The following ERBB4 variants were observed in gnomAD, a reference collection of about 807,000 sequenced individuals.
The protein encoded by ERBB4 is receptor tyrosine-protein kinase erbB-4.
Under a neutral mutation model 158.0 loss-of-function variants are expected in ERBB4, and 42 were observed. The observed-to-expected ratio is 0.27, with a 90% confidence interval of 0.21 to 0.34. The LOEUF (loss-of-function observed/expected upper bound fraction) is 0.34. ERBB4 is among the 10% of genes least tolerant of loss of function. The pLI is 1.00. For missense variants in ERBB4, 1,333 were observed against 1,624.1 expected (o/e 0.82, Z 3.08); for synonymous variants, 583 against 558.7 (o/e 1.04, Z -0.61).
chr2:211,976,558 A>G (rs193097984), intron 2 of ERBB4, among the ~76,000 whole-genome samples: 86 of 152,258 alleles, frequency 5.6e-4, no homozygotes, highest in East Asian at 5.6e-3. Context: ...TCACAGCTTC[A>G]CTGCTATGAA....
chr2:211,749,251 C>T (rs920045453), intron 5 of ERBB4, among the ~76,000 whole-genome samples: 2 of 152,120 alleles, frequency 1.3e-5, no homozygotes, highest in African/African-American at 4.8e-5. Flanking sequence ...CTGTTCTCTA[C>T]CCATTTCCAA....
intron 1 of ERBB4, among the ~76,000 whole-genome samples, chr2:212,383,134 G>C (rs1319061441): frequency 6.6e-6 from 1 of 151,052 alleles, no homozygotes; most frequent in Non-Finnish European, 1.5e-5. Context: ...TTTTTCTATA[G>C]TTTGATATTT....
chr2:212,494,982 A>G (rs1690480197), intron 1 of ERBB4, among the ~76,000 whole-genome samples: 1 of 152,156 alleles, frequency 6.6e-6, no homozygotes, highest in African/African-American at 2.4e-5. Flanking sequence ...TAAACCTTCA[A>G]CTCCAAAAAT....
intron 3 of ERBB4, among the ~76,000 whole-genome samples, chr2:211,873,497 G>T: frequency 6.6e-6 from 1 of 152,304 alleles, no homozygotes; most frequent in Non-Finnish European, 1.5e-5. Context: ...AGATTATGAA[G>T]ATTACCAAAA....
Position 211,426,273 on chromosome 2 carries a change from T to C in ERBB4, c.2720-1972A>G, listed in dbSNP as rs1017459724. ...ATGTCAGGAAAGCTAAAACAAAACA[T>C]CCTCGAATTTTACTTGCAATTCCTT... On this transcript the variant is annotated intron_variant, in intron 22 of 27. Coordinates refer to ENST00000342788, the MANE Select transcript of ERBB4 (RefSeq NM_005235.3). 2.6e-5 allele frequency among the ~76,000 whole-genome samples: 4 copies of C among 152,236 alleles called. No individual in the cohort carries two copies. In the East Asian group the frequency reaches 7.7e-4, roughly 29 times the overall value.
chr2:211,557,523 T>C (rs1420271862), intron 20 of ERBB4, among the ~76,000 whole-genome samples: 4 of 152,080 alleles, frequency 2.6e-5, no homozygotes, highest in Non-Finnish European at 5.9e-5. Context: ...AAGCTCAACA[T>C]CACTGATCAT....
chr2:212,182,148 T>C (rs1013232529), intron 1 of ERBB4, among the ~76,000 whole-genome samples: 5 of 151,868 alleles, frequency 3.3e-5, no homozygotes, highest in South Asian at 4.1e-4. Flanking sequence ...AGGAATGTTC[T>C]AAATTCCTAA....
At chr2:212,083,555 A>C (rs73987225) in intron 2 of ERBB4, among the ~76,000 whole-genome samples, 3,263 of 152,014 alleles carry the variant, frequency 0.021, 129 homozygotes, top group African/African-American at 0.075. Context: ...GGGCTGGAAC[A>C]TAAAATAAGA....
chr2:212,056,291 T>C (rs1425049767), intron 2 of ERBB4, among the ~76,000 whole-genome samples: 1 of 152,082 alleles, frequency 6.6e-6, no homozygotes, highest in Non-Finnish European at 1.5e-5. Flanking sequence ...AAACACCAAA[T>C]CTACATCTGA....
chr2:211,606,451 T>TC (rs1047901216), intron 19 of ERBB4, among the ~76,000 whole-genome samples: 7 of 151,412 alleles, frequency 4.6e-5, no homozygotes, highest in African/African-American at 7.3e-5. Context: ...TGGAAAATTT[T>TC]TTTTTCTATA....
chr2:212,437,086 A>G (rs905072140), intron 1 of ERBB4, among the ~76,000 whole-genome samples: 1 of 152,092 alleles, frequency 6.6e-6, no homozygotes, highest in Non-Finnish European at 1.5e-5. Flanking sequence ...TAAATTATCT[A>G]CAATAAGGAC....
chr2:212,275,247 C>A lies in ERBB4; in HGVS notation c.83-150344G>T, dbSNP rs1415687848. 4.6e-5 allele frequency among the ~76,000 whole-genome samples: 7 copies of A among 151,862 alleles called. No individual in the cohort carries two copies. In the East Asian group the frequency reaches 1.4e-3, roughly 30 times the overall value. On this transcript the variant is annotated intron_variant, in intron 1 of 27. Coordinates refer to ENST00000342788, the MANE Select transcript of ERBB4 (RefSeq NM_005235.3). Reference sequence around the variant, plus strand: ...GCAATAAACATACGTGTGTATGTCTCTTTATAGTAGCATGATTTATAATCC... The same window carrying A: ...GCAATAAACATACGTGTGTATGTCTATTTATAGTAGCATGATTTATAATCC...
At chr2:212,002,792 C>T (rs1228656974) in intron 2 of ERBB4, among the ~76,000 whole-genome samples, 1 of 152,042 alleles carries the variant, frequency 6.6e-6, no homozygotes, top group East Asian at 1.9e-4. Flanking sequence ...GGCGGGGTGG[C>T]TCACGCCTGT....
At chr2:212,295,547 C>T (rs945712036) in intron 1 of ERBB4, among the ~76,000 whole-genome samples, 4 of 152,152 alleles carry the variant, frequency 2.6e-5, no homozygotes, top group Admixed American at 6.6e-5. Flanking sequence ...TACACTATGC[C>T]GCCAAATTAC....
At chr2:211,414,534 GAAGAA>G (rs1397909851) in intron 25 of ERBB4, among the ~76,000 whole-genome samples, 17 of 138,674 alleles carry the variant, frequency 1.2e-4, no homozygotes, top group African/African-American at 4.1e-4. Flanking sequence ...GAAAAGAAAA[GAAGAA>G]AAGAAAGAAA....
chr2:211,421,411 T>C (rs1402777814), intron 24 of ERBB4, among the ~76,000 whole-genome samples: 3 of 151,862 alleles, frequency 2.0e-5, no homozygotes, highest in Non-Finnish European at 4.4e-5. Flanking sequence ...CCTAGAGAAA[T>C]ATATTATTAT....
intron 9 of ERBB4, among the ~76,000 whole-genome samples, chr2:211,708,644 C>T (rs2073549647): frequency 1.3e-5 from 2 of 148,700 alleles, no homozygotes; most frequent in Admixed American, 1.3e-4. Context: ...CTCTCTCTCT[C>T]ACTATCTTTC....
chr2:211,454,492 T>C (rs750768245), intron 20 of ERBB4, among the ~76,000 whole-genome samples: 7 of 152,190 alleles, frequency 4.6e-5, no homozygotes, highest in Non-Finnish European at 1.0e-4. Context: ...GGCACCCAAT[T>C]GCACTGATGC....
intron 2 of ERBB4, among the ~76,000 whole-genome samples, chr2:212,022,758 G>C (rs2076684711): frequency 6.6e-6 from 1 of 151,984 alleles, no homozygotes; most frequent in Admixed American, 6.6e-5. Flanking sequence ...GTATTTTTTT[G>C]TTTCAAAGTT....
Sources: allele counts gnomAD v4.1 joint callset (sites outside exome capture counted in the v4.1 genomes callset), GRCh38; gene constraint gnomAD v4.1.1; transcripts MANE v1.5; gene names NCBI Gene and HGNC (gene_info 2026-07-23, HGNC 2026-07-21).